Variants in GAS2 observed in about 807,000 individuals in gnomAD.
GAS2 encodes growth arrest-specific protein 2.
Under a neutral mutation model 37.5 loss-of-function variants are expected in GAS2, and 20 were observed. That is an observed-to-expected ratio of 0.53 (90% CI 0.37 to 0.77). The LOEUF (loss-of-function observed/expected upper bound fraction) is 0.77. Ranked by LOEUF, GAS2 falls within the 30% of genes least tolerant of loss-of-function variation. The pLI is 0.00. For missense variants in GAS2, 336 were observed against 373.4 expected, an observed-to-expected ratio of 0.90 and a Z score of 0.82; for synonymous variants, 144 against 132.2, an observed-to-expected ratio of 1.09 and a Z score of -0.61.
intron 3 of GAS2, among the ~76,000 whole-genome samples, chr11:22,697,228 A>G (rs963628142): frequency 0.012 from 1,886 of 151,916 alleles, 39 homozygotes; most frequent in African/African-American, 0.044. Context: ...TGTTTTTCTC[A>G]GGTTTGTCAA....
chr11:22,654,697 G>C (rs1464853222), intron 1 of GAS2, among the ~76,000 whole-genome samples: 1 of 152,128 alleles, frequency 6.6e-6, no homozygotes, highest in African/African-American at 2.4e-5. Context: ...TGCTTGAACT[G>C]TTTTAAGTAA....
At chr11:22,677,706 C>G (rs145790635) in intron 2 of GAS2, among the ~76,000 whole-genome samples, 138 of 152,240 alleles carry the variant, frequency 9.1e-4, no homozygotes, top group African/African-American at 3.2e-3. Flanking sequence ...ATCAGGAGAC[C>G]TGGCTCCTAA....
chr11:22,710,218 C>T (rs1851336158), intron 3 of GAS2, among the ~76,000 whole-genome samples: 1 of 152,028 alleles, frequency 6.6e-6, no homozygotes, highest in South Asian at 2.1e-4. Flanking sequence ...AACTTTTTTT[C>T]CCCTAAAATT....
At position 22,764,773 on chromosome 11, in the gene GAS2, T is replaced by C. The variant is rs140287648; in HGVS notation, c.723+8820T>C. 2.6e-3 allele frequency among the ~76,000 whole-genome samples: 390 copies of C among 152,208 alleles called. 5 individuals carry two copies. Among genetic ancestry groups the C allele is most frequent in the African/African-American group, 8.8e-3 (367 of 41,546 alleles). ...TGAAAAACAATAAATAAATAGAAGC[T>C]CAAAACCAAAAATTATTCTTCATTA... On this transcript the variant is annotated intron_variant, in intron 7 of 7. Transcript: ENST00000454584.
At chr11:22,674,690 C>A in intron 1 of GAS2, 160 bp from the exon 2 acceptor site, 1 of 497,146 alleles carries the variant, frequency 2.0e-6, no homozygotes, top group Non-Finnish European at 3.4e-6. Context: ...AGTGAGAGGG[C>A]CAGTACAGAT....
intron 7 of GAS2, among the ~76,000 whole-genome samples, chr11:22,767,410 G>T (rs1479729630): frequency 6.6e-6 from 1 of 151,544 alleles, no homozygotes; most frequent in South Asian, 2.1e-4. Flanking sequence ...TTTGATTTTG[G>T]CATTGTTTTC....
intron 7 of GAS2, among the ~76,000 whole-genome samples, chr11:22,758,234 C>A (rs545198245): frequency 6.6e-6 from 1 of 152,268 alleles, no homozygotes; most frequent in Admixed American, 6.5e-5. Flanking sequence ...TGCCTGTAGT[C>A]AAATTCTCAC....
chr11:22,726,502 C>T, intron 4 of GAS2, 69 bp downstream of exon 4: 1 of 1,414,962 alleles, frequency 7.1e-7, no homozygotes, highest in South Asian at 1.3e-5. Context: ...TCAGTATAGC[C>T]ATCAAAAAGT....
intron 3 of GAS2, 102 bp downstream of exon 3, chr11:22,685,891 C>A: frequency 1.8e-6 from 2 of 1,126,590 alleles, no homozygotes; most frequent in Non-Finnish European, 1.2e-6. Context: ...ACGGATGCAT[C>A]AAGGTCTATA....
upstream of GAS2, among the ~76,000 whole-genome samples, chr11:22,666,110 T>C (rs980454048): frequency 8.5e-5 from 13 of 152,242 alleles, no homozygotes; most frequent in African/African-American, 2.9e-4. Flanking sequence ...CATCTCAGAA[T>C]ACACGTACTA....
chr11:22,766,426 T>A (rs1398546183), intron 7 of GAS2, among the ~76,000 whole-genome samples: 2 of 152,236 alleles, frequency 1.3e-5, no homozygotes, highest in Non-Finnish European at 2.9e-5. Flanking sequence ...TTATATGCTA[T>A]TCATTCCATT....
At chr11:22,704,702 G>T (rs1191239069) in intron 3 of GAS2, among the ~76,000 whole-genome samples, 1 of 147,656 alleles carries the variant, frequency 6.8e-6, no homozygotes, top group Non-Finnish European at 1.5e-5. Flanking sequence ...TTGTAGTAAG[G>T]AATATTCTAA....
At chr11:22,775,866 A>G (rs1855231741) in intron 7 of GAS2, among the ~76,000 whole-genome samples, 1 of 152,186 alleles carries the variant, frequency 6.6e-6, no homozygotes, top group Admixed American at 6.5e-5. Context: ...GCATAGAAGA[A>G]CTGTAAAAAA....
chr11:22,649,400 C>A (rs915852538), intron 1 of GAS2, among the ~76,000 whole-genome samples: 8 of 151,430 alleles, frequency 5.3e-5, no homozygotes, highest in Admixed American at 1.3e-4. Context: ...TGTCTCTGCC[C>A]GGCTTTGGTA....
intron 3 of GAS2, among the ~76,000 whole-genome samples, chr11:22,695,179 G>T (rs975355796): frequency 5.3e-5 from 8 of 152,154 alleles, no homozygotes; most frequent in African/African-American, 1.4e-4. Context: ...AAATTAGCTG[G>T]GTGTGGTGGC....
intron 1 of GAS2, among the ~76,000 whole-genome samples, chr11:22,655,411 A>T (rs1370543364): frequency 1.3e-5 from 2 of 152,200 alleles, no homozygotes; most frequent in Non-Finnish European, 2.9e-5. Context: ...CATTTTAGGT[A>T]CTCAATAAAG....
chr11:22,680,892 C>T (rs1040615317), intron 2 of GAS2, among the ~76,000 whole-genome samples: 1 of 152,256 alleles, frequency 6.6e-6, no homozygotes, highest in Admixed American at 6.5e-5. Context: ...TTCCTCTACC[C>T]TCGAATTGGG....
intron 4 of GAS2, among the ~76,000 whole-genome samples, chr11:22,728,283 G>A (rs1852306378): frequency 1.3e-5 from 2 of 151,784 alleles, no homozygotes; most frequent in Admixed American, 1.3e-4. Context: ...AATCCTCTCT[G>A]CTAGAAATAG....
intron 7 of GAS2, among the ~76,000 whole-genome samples, chr11:22,809,074 T>C (rs1410031487): frequency 6.6e-6 from 1 of 152,152 alleles, no homozygotes; most frequent in African/African-American, 2.4e-5. Context: ...TTGATTTGCT[T>C]GGGTCCTAAA....
Sources: allele counts gnomAD v4.1 joint callset (sites outside exome capture counted in the v4.1 genomes callset), GRCh38; gene constraint gnomAD v4.1.1; transcripts MANE v1.5; gene names NCBI Gene and HGNC (gene_info 2026-07-23, HGNC 2026-07-21).